The following RALGPS1 variants were observed in gnomAD, a reference collection of about 807,000 sequenced individuals.
RALGPS1 encodes ras-specific guanine nucleotide-releasing factor RalGPS1.
In RALGPS1, 19 loss-of-function variants were observed where a neutral mutation model predicts 78.8. The observed-to-expected ratio is 0.24, with a 90% CI of 0.17 to 0.35. The LOEUF is 0.35. RALGPS1 is among the 10% of genes least tolerant of loss of function. The pLI is 1.00. For missense variants in RALGPS1, 454 were observed against 688.3 expected (o/e 0.66, Z 3.81); for synonymous variants, 228 against 256.3 (o/e 0.89, Z 1.06).
Position 127,091,950 on chromosome 9 carries a change from A to T in RALGPS1, c.610+22594A>T, listed in dbSNP as rs773449807. The T allele has an allele frequency of 1.2e-6, 2 of 1,612,554 alleles. No individual in the cohort carries two copies. Among genetic ancestry groups the T allele is most frequent in the Middle Eastern group, 1.6e-4 (1 of 6,064 alleles). ...TGTTCCCAAACCCTTGCTGGGGAAA[A>T]CCCAGGAGAGTGTTAATGTGGAGCC... is the stretch of plus-strand genomic sequence containing the variant. On this transcript the variant is annotated intron_variant, in intron 8 of 18. Coordinates refer to ENST00000259351, the MANE Select transcript of RALGPS1 (RefSeq NM_014636.3). This position sits in a 1 kb window ranked among gnomAD's most constrained non-coding sequence, Gnocchi z 4.3.
chr9:126,958,158 T>C (rs9409301), intron 1 of RALGPS1, among the ~76,000 whole-genome samples: 87 of 121,108 alleles, frequency 7.2e-4, no homozygotes, highest in East Asian at 1.3e-3. Context: ...TATATATATA[T>C]ACACACACAC....
intron 11 of RALGPS1, chr9:127,177,862 C>A (rs1372499485): frequency 3.9e-6 from 6 of 1,548,294 alleles, no homozygotes; most frequent in Non-Finnish European, 5.2e-6. Context: ...TCCCACAATC[C>A]ACCCACACCT....
intron 5 of RALGPS1, among the ~76,000 whole-genome samples, chr9:127,048,283 T>C (rs2047992073): frequency 6.6e-6 from 1 of 152,126 alleles, no homozygotes; most frequent in African/African-American, 2.4e-5. Flanking sequence ...TCATGGAACA[T>C]ATGGCCACAC....
At position 127,212,154 on chromosome 9, in the gene RALGPS1, C is replaced by T; in HGVS notation, c.1271C>T (p.Ser424Phe). 1 of 1,613,644 alleles carries T rather than the reference C, an allele frequency of 6.2e-7. No individual in the cohort carries two copies. Residue 424 changes from serine (S) to phenylalanine (F), a missense_variant, in exon 15 of 19, where the codon TCT (serine) becomes TTT (phenylalanine). Transcript: ENST00000259351. This position sits in a 1 kb window ranked among gnomAD's most constrained non-coding sequence, Gnocchi z 6.0. Reference protein sequence around the residue: ...LESPTGPCICSLGNSAAVPTM... With the variant: ...LESPTGPCICFLGNSAAVPTM... ...AGCCCCACCGGCCCGTGCATCTGTT[C>T]TCTGGGGAACTCCGCAGCTGTGCCC...
chr9:127,079,490 A>G (rs779658302), intron 8 of RALGPS1: 1 of 152,214 alleles, frequency 6.6e-6, no homozygotes, highest in Non-Finnish European at 1.5e-5. Flanking sequence ...TGCTTCTAAC[A>G]AATATGACAG....
chr9:127,108,228 G>A, intron 8 of RALGPS1: 1 of 1,614,102 alleles, frequency 6.2e-7, no homozygotes, highest in Non-Finnish European at 8.5e-7. Context: ...GCTGCAGCAT[G>A]TCGGCTGTCT....
At chr9:127,025,618 G>C (rs898826145) in intron 4 of RALGPS1, among the ~76,000 whole-genome samples, 6 of 152,188 alleles carry the variant, frequency 3.9e-5, no homozygotes, top group Non-Finnish European at 8.8e-5. Flanking sequence ...ACTGACTAAT[G>C]ACATAGAGCA....
chr9:127,197,253 G>T (rs1475647027), intron 13 of RALGPS1, among the ~76,000 whole-genome samples: 2 of 152,080 alleles, frequency 1.3e-5, no homozygotes, highest in East Asian at 1.9e-4. Flanking sequence ...AGCTCTGGTT[G>T]TAGGTCCGTA....
At chr9:127,014,484 T>G (rs1318002103) in intron 4 of RALGPS1, among the ~76,000 whole-genome samples, 3 of 152,210 alleles carry the variant, frequency 2.0e-5, no homozygotes, top group Non-Finnish European at 4.4e-5. Flanking sequence ...AATCCTACTC[T>G]GTCTAGAGAC....
chr9:127,089,171 G>A (rs956146815), intron 8 of RALGPS1: 62 of 1,610,418 alleles, frequency 3.8e-5, no homozygotes, highest in Middle Eastern at 1.7e-4. Flanking sequence ...AGGGTGTCTG[G>A]GAGGAGGCCA....
Position 127,196,625 on chromosome 9 carries a change from T to A in RALGPS1, c.1189T>A (p.Ser397Thr). Residue 397 changes from serine to threonine, a missense_variant, in exon 13 of 19, where the codon TCC becomes ACC. Physicochemically the swap from Ser to Thr is moderately conservative, Grantham distance 58. Transcript: ENST00000259351. ...CTCCTCTGCTGTCACCAATGGACTC[T>A]CCCTAGGTAAGCGTCTCCGGCCTGC... The part of the protein sequence containing the change: ...TSSSAVTNGL[S>T]LGSSESSEFS... The A allele has an allele frequency of 6.3e-7, 1 of 1,595,246 alleles. No individual in the cohort carries two copies. The highest frequency in any genetic ancestry group is 8.5e-7 in the Non-Finnish European group (1 of 1,169,644).
intron 8 of RALGPS1, among the ~76,000 whole-genome samples, chr9:127,071,394 T>C (rs1324226857): frequency 6.6e-6 from 1 of 152,176 alleles, no homozygotes; most frequent in African/African-American, 2.4e-5. Context: ...AACAAAGCAT[T>C]GTGACATTTT....
At chr9:127,019,116 A>C (rs1185154465) in intron 4 of RALGPS1, among the ~76,000 whole-genome samples, 1 of 152,184 alleles carries the variant, frequency 6.6e-6, no homozygotes, top group African/African-American at 2.4e-5. Flanking sequence ...GGCCTTTCGC[A>C]ACCAGGATTT....
chr9:126,996,677 T>C (rs899440001), intron 4 of RALGPS1, among the ~76,000 whole-genome samples: 3 of 152,234 alleles, frequency 2.0e-5, no homozygotes, highest in Admixed American at 2.0e-4. Context: ...CCCTAACTCA[T>C]TTTATGAGGC....
Position 127,052,864 on chromosome 9 carries a change from C to T in RALGPS1, c.408C>T (p.Asn136=). ...TTTTTCAGAAACTTCTAGAACTCAA[C>T]AACCTTCATTCTCTCATGTCTGTGG... ...VKIAKKLLEL[N]NLHSLMSVVS... The change falls in exon 7 of 19, where the codon AAC becomes AAT. Residue 136 remains asparagine (N), a synonymous_variant. Transcript: ENST00000259351. 1 of 1,608,570 alleles carries T rather than the reference C, an allele frequency of 6.2e-7. No homozygotes were observed. Among genetic ancestry groups the T allele is most frequent in the Non-Finnish European group, 8.5e-7 (1 of 1,175,124 alleles).
Position 127,222,525 on chromosome 9 carries a change from G to C in RALGPS1, c.*3756G>C, listed in dbSNP as rs2062798868. 6.6e-6 allele frequency: 1 copy of C among 152,204 alleles called. No homozygotes were observed. Among genetic ancestry groups the C allele is most frequent in the Non-Finnish European group, 1.5e-5 (1 of 68,032 alleles). The allele number at this position is 152,204 out of a possible 1,614,324, so 9.4% of individuals were successfully genotyped here. A position where few individuals can be genotyped will look rare whatever the true frequency, so the allele number is the denominator to read the frequency against. On this transcript the variant is annotated 3_prime_UTR_variant, in exon 19 of 19. Coordinates refer to ENST00000259351, the MANE Select transcript of RALGPS1 (RefSeq NM_014636.3). ...TATGAGCGAGAACTGCATTTTCTTG[G>C]GTGTTGAGAACTTGTACCATGGACT...
At chr9:127,108,700 A>T in intron 8 of RALGPS1, 1 of 1,612,640 alleles carries the variant, frequency 6.2e-7, no homozygotes, top group Non-Finnish European at 8.5e-7. Context: ...CAGCAGTCCG[A>T]GCCACCAGCA....
At chr9:127,019,264 T>C (rs1189750769) in intron 4 of RALGPS1, among the ~76,000 whole-genome samples, 3 of 152,204 alleles carry the variant, frequency 2.0e-5, no homozygotes, top group Non-Finnish European at 2.9e-5. Flanking sequence ...AGAAAGGCTG[T>C]AGCACCTGTT....
intron 9 of RALGPS1, among the ~76,000 whole-genome samples, chr9:127,167,404 C>T (rs796286036): frequency 2.0e-5 from 3 of 152,356 alleles, no homozygotes; most frequent in African/African-American, 4.8e-5. Flanking sequence ...TTCCATTGGC[C>T]AGCAGAGCAA....
Sources: allele counts gnomAD v4.1 joint callset (sites outside exome capture counted in the v4.1 genomes callset), GRCh38; gene constraint gnomAD v4.1.1; non-coding constraint Gnocchi (gnomAD v3.1); transcripts MANE v1.5; gene names NCBI Gene and HGNC (gene_info 2026-07-23, HGNC 2026-07-21).